Variants in MDH1B observed in about 807,000 individuals in gnomAD.
MDH1B encodes malate dehydrogenase 1B.
In MDH1B, 60 loss-of-function variants were observed where a neutral mutation model predicts 61.4. The observed-to-expected ratio is 0.98, with a 90% CI of 0.79 to 1.21. The LOEUF is 1.21. Among genes scored for constraint, MDH1B ranks in the 50% most tolerant of loss-of-function variants. The pLI, the probability that MDH1B is intolerant of heterozygous loss-of-function variation, is 0.00. For synonymous variants in MDH1B, 236 were observed against 218.7 expected (o/e 1.08, Z -0.70); for missense variants, 587 against 632.1 (o/e 0.93, Z 0.76).
intron 5 of MDH1B, among the ~76,000 whole-genome samples, chr2:206,753,726 CT>C (rs1391320093): frequency 6.6e-6 from 1 of 152,174 alleles, no homozygotes; most frequent in African/African-American, 2.4e-5. Context: ...CCTCTAATGC[CT>C]TTTTCCTTTT....
intron 2 of MDH1B, among the ~76,000 whole-genome samples, chr2:206,758,781 C>A (rs11887017): frequency 0.3 from 41,860 of 137,622 alleles, 7,156 homozygotes; most frequent in East Asian, 0.72. Context: ...CACACACACA[C>A]AAAAAAAAAA....
intron 1 of MDH1B, among the ~76,000 whole-genome samples, chr2:206,762,120 G>A (rs998703134): frequency 2.6e-5 from 4 of 152,186 alleles, no homozygotes; most frequent in East Asian, 3.9e-4. Context: ...TCAACCCTGC[G>A]TGGAGATCCC....
Position 206,738,342 on chromosome 2 carries a change from G to T in MDH1B, c.*141C>A. 1.9e-6 allele frequency: 1 copy of T among 539,000 alleles called. No homozygotes were observed. Among genetic ancestry groups the T allele is most frequent in the Non-Finnish European group, 3.1e-6 (1 of 321,128 alleles). 33.4% of individuals were successfully genotyped at this position (539,000 alleles called of 1,614,324 possible). On this transcript the variant is annotated 3_prime_UTR_variant, in exon 12 of 12. Transcript: ENST00000374412. The stretch of plus-strand genomic sequence containing the variant: ...ACTCTGACCTCTGTGCTGTCACAGT[G>T]ATTTAATTGCCTTGCATGGTATTAT...
In MDH1B at chr2:206,751,037, T is replaced by C; in HGVS notation, c.949A>G (p.Asn317Asp). ...DVIIWGNISG[N>D]NYVDLRKTRV... Reference sequence around the variant, plus strand: ...GTTTTTCTCAGATCAACGTAATTATTTCCACTGATATTACCCCAAATGATC... The same window carrying C: ...GTTTTTCTCAGATCAACGTAATTATCTCCACTGATATTACCCCAAATGATC... The change falls in exon 6 of 12, where the codon AAT becomes GAT. Residue 317 changes from asparagine to aspartate, a missense_variant. Physicochemically the swap from Asn to Asp is conservative, Grantham distance 23 (BLOSUM62 1). Coordinates refer to ENST00000374412, the MANE Select transcript of MDH1B (RefSeq NM_001039845.3). 1 of 1,607,436 alleles carries C rather than the reference T, an allele frequency of 6.2e-7. No individual in the cohort carries two copies. Among genetic ancestry groups the C allele is most frequent in the Non-Finnish European group, 8.5e-7 (1 of 1,175,468 alleles).
chr2:206,740,270 A>C (rs185118020), intron 10 of MDH1B, among the ~76,000 whole-genome samples: 610 of 152,352 alleles, frequency 4.0e-3, no homozygotes, highest in Non-Finnish European at 7.3e-3. Flanking sequence ...GTTGATTAAC[A>C]TATATTTTGT....
At chr2:206,750,375 CTGCTTAGCCTCTCTG>C (rs1688361673) in intron 6 of MDH1B, among the ~76,000 whole-genome samples, 1 of 142,522 alleles carries the variant, frequency 7.0e-6, no homozygotes, top group Non-Finnish European at 1.5e-5. Context: ...TACAGAGAGG[CTGCTTAGCCTCTCTG>C]TAACTCAGTT....
chr2:206,756,817 A>G (rs1317665709), intron 4 of MDH1B, 81 bp downstream of exon 4: 3 of 1,481,542 alleles, frequency 2.0e-6, no homozygotes, highest in Non-Finnish European at 2.8e-6. Context: ...GTATTCTTCC[A>G]TCATGAAATT....
chr2:206,757,359 C>G lies in MDH1B; in HGVS notation c.148G>C (p.Asp50His). The change falls in exon 3 of 12, where the codon GAT (aspartate) becomes CAT (histidine). Residue 50 changes from aspartate to histidine, a missense_variant. Asp to His is a moderately conservative substitution (Grantham distance 81, BLOSUM62 -1). Transcript: ENST00000374412. ...RPEVWEDWLK[D>H]VCEKNKWSHK... ...CTCCACTTATTCTTTTCACACACAT[C>G]TTTTAGCCAATCCTGTTGAATGATA... The G allele has an allele frequency of 6.2e-7, 1 of 1,613,262 alleles. No individual in the cohort carries two copies. Among genetic ancestry groups the G allele is most frequent in the Non-Finnish European group, 8.5e-7 (1 of 1,179,832 alleles).
At chr2:206,745,734 T>C (rs1251086994) in intron 8 of MDH1B, 61 bp from the exon 9 acceptor site, 15 of 707,742 alleles carry the variant, frequency 2.1e-5, no homozygotes, top group East Asian at 1.4e-4. Context: ...ATTCTTCTTT[T>C]TTTTTTTTTT....
rs774420817 is a variant in MDH1B at position 206,755,445 on chromosome 2, C to A, written c.474G>T (p.Gly158=). 6.2e-7 allele frequency: 1 copy of A among 1,614,178 alleles called. No homozygotes were observed. ...GAGTTATGCTAATTTCTGTATGCATCCCAAACACTTCGCCACTCGTCAATA... is the reference window on the plus strand; with the variant it reads ...GAGTTATGCTAATTTCTGTATGCATACCAAACACTTCGCCACTCGTCAATA... ...IPILTSGEVF[G]MHTEISITLF... Residue 158 remains glycine, a synonymous_variant, in exon 5 of 12, where the codon GGG becomes GGT. Transcript: ENST00000374412.
At chr2:206,751,784 C>T (rs755510293) in intron 5 of MDH1B, among the ~76,000 whole-genome samples, 95 of 152,280 alleles carry the variant, frequency 6.2e-4, no homozygotes, top group Non-Finnish European at 1.2e-3. Context: ...GAGAAATAGG[C>T]ATTGGCATTC....
Position 206,741,148 on chromosome 2 carries a change from C to A in MDH1B, c.1409-44G>T, listed in dbSNP as rs748914302. 297 of 1,609,894 alleles carry A rather than the reference C, an allele frequency of 1.8e-4. 1 individual carries two copies. The highest frequency in any genetic ancestry group is 2.1e-4 in the Non-Finnish European group (242 of 1,178,062). ...AAAACATGCTGGATTTAGAATATAA[C>A]CAACAACCTAACTAGGTCATGAGAT... On this transcript the variant is annotated intron_variant, in intron 9 of 11. Transcript: ENST00000374412.
rs184236717 is a variant in MDH1B at position 206,739,506 on chromosome 2, T to C, written c.1528+87A>G. ...GGAAGTGGGGAGGGTTTGACAAGAA[T>C]AGTATTGCAAGGAAATTTGATCCTC... On this transcript the variant is annotated intron_variant, in intron 11 of 11. Transcript: ENST00000374412. The C allele has an allele frequency of 5.9e-4, 710 of 1,204,340 alleles. 4 individuals are homozygous for C. In the African/African-American group the frequency reaches 8.5e-3, roughly 14 times the overall value. The allele number at this position is 1,204,340 out of a possible 1,614,324, so 74.6% of individuals were successfully genotyped here. A position where few individuals can be genotyped will look rare whatever the true frequency, so the allele number is the denominator to read the frequency against.
At chr2:206,763,358 G>A (rs1689216234) in intron 1 of MDH1B, among the ~76,000 whole-genome samples, 1 of 150,958 alleles carries the variant, frequency 6.6e-6, no homozygotes, top group South Asian at 2.1e-4. Flanking sequence ...TAGACATCCA[G>A]TTCTATAGAT....
intron 5 of MDH1B, 56 bp downstream of exon 5, chr2:206,754,953 T>C: frequency 6.4e-7 from 1 of 1,564,846 alleles, no homozygotes; most frequent in Non-Finnish European, 8.7e-7. Flanking sequence ...TCCTAGCTGC[T>C]TTGAAATCAT....
At chr2:206,744,440 T>C (rs1687980296) in intron 9 of MDH1B, among the ~76,000 whole-genome samples, 2 of 152,238 alleles carry the variant, frequency 1.3e-5, no homozygotes, top group African/African-American at 4.8e-5. Context: ...AATTGATTTA[T>C]TTCTACATGT....
intron 8 of MDH1B, among the ~76,000 whole-genome samples, 161 bp from the exon 9 acceptor site, chr2:206,745,834 A>G (rs1688076810): frequency 6.6e-6 from 1 of 151,598 alleles, no homozygotes; most frequent in Non-Finnish European, 1.5e-5. Flanking sequence ...TCTTGGTTCA[A>G]GCGATTCTCC....
chr2:206,741,580 T>C (rs893112593), intron 9 of MDH1B, among the ~76,000 whole-genome samples: 1 of 152,202 alleles, frequency 6.6e-6, no homozygotes, highest in Admixed American at 6.5e-5. Flanking sequence ...CCCTCAAACA[T>C]TGGACTCCAA....
Position 206,757,383 on chromosome 2 carries a change from T to C in MDH1B, c.136-12A>G. On this transcript the variant is annotated splice_polypyrimidine_tract_variant and intron_variant, in intron 2 of 11. Transcript: ENST00000374412. Reference sequence around the variant, plus strand: ...TCTTTTAGCCAATCCTGTTGAATGATATCCCAAGTGAAGTCATATATTAAA... The same window carrying C: ...TCTTTTAGCCAATCCTGTTGAATGACATCCCAAGTGAAGTCATATATTAAA... 6.2e-7 allele frequency: 1 copy of C among 1,609,328 alleles called. No individual in the cohort carries two copies. The highest frequency in any genetic ancestry group is 8.5e-7 in the Non-Finnish European group (1 of 1,178,772).
Sources: gnomAD v4.1 joint callset for allele counts (sites outside exome capture counted in the v4.1 genomes callset) on GRCh38, gnomAD v4.1.1 for gene constraint, MANE v1.5 for transcripts, NCBI Gene and HGNC (gene_info 2026-07-23, HGNC 2026-07-21) for gene names.